The following MAN2A1 variants were observed in gnomAD, a reference collection of about 807,000 sequenced individuals.
MAN2A1 encodes the protein mannosidase alpha class 2A member 1, also known as alpha-mannosidase 2.
In MAN2A1, 76 loss-of-function variants were observed where a neutral mutation model predicts 142.6. That is an observed-to-expected ratio of 0.53 (90% confidence interval 0.44 to 0.65). The LOEUF is 0.65. MAN2A1 is among the 30% of genes least tolerant of loss of function. The pLI is 0.00. For missense variants in MAN2A1, 1,311 were observed against 1,365.1 expected, an observed-to-expected ratio of 0.96 and a Z score of 0.62; for synonymous variants, 559 against 473.2, an observed-to-expected ratio of 1.18 and a Z score of -2.35.
intron 16 of MAN2A1, among the ~76,000 whole-genome samples, chr5:109,831,103 G>A (rs937364514): frequency 8.5e-5 from 13 of 152,208 alleles, no homozygotes; most frequent in South Asian, 6.2e-4. Context: ...CCCATCCTAG[G>A]TCTGCCACTT....
At chr5:109,748,628 G>A (rs1330448503) in intron 4 of MAN2A1, among the ~76,000 whole-genome samples, 1 of 152,068 alleles carries the variant, frequency 6.6e-6, no homozygotes, top group Non-Finnish European at 1.5e-5. Flanking sequence ...GGCTGGATTT[G>A]GGTGGAATGT....
At chr5:109,767,484 T>G (rs746464404) in intron 5 of MAN2A1, 51 bp from the exon 6 acceptor site, 14 of 1,490,044 alleles carry the variant, frequency 9.4e-6, no homozygotes, top group Non-Finnish European at 1.2e-5. Flanking sequence ...TGACTTCTTT[T>G]TATTTCATAT....
intron 4 of MAN2A1, among the ~76,000 whole-genome samples, chr5:109,742,251 C>G (rs1683617071): frequency 6.6e-6 from 1 of 152,180 alleles, no homozygotes. Flanking sequence ...AACCTAAGAA[C>G]AGTTTATATA....
At chr5:109,832,724 G>A (rs191464523) in intron 16 of MAN2A1, among the ~76,000 whole-genome samples, 2,824 of 150,600 alleles carry the variant, frequency 0.019, 34 homozygotes, top group Middle Eastern at 0.073. Flanking sequence ...GGGCAGAGGG[G>A]CCCCCCCACT....
chr5:109,750,064 T>G (rs1359704809), intron 4 of MAN2A1, among the ~76,000 whole-genome samples: 1 of 152,084 alleles, frequency 6.6e-6, no homozygotes, highest in Non-Finnish European at 1.5e-5. Flanking sequence ...TTTCCAGACA[T>G]ATTGTTTCTG....
intron 4 of MAN2A1, among the ~76,000 whole-genome samples, chr5:109,751,135 G>A (rs1159181672): frequency 6.6e-6 from 1 of 151,384 alleles, no homozygotes; most frequent in Non-Finnish European, 1.5e-5. Context: ...CTTCCCAATC[G>A]CTACCCTAAG....
At chr5:109,770,672 G>C (rs773409949) in intron 7 of MAN2A1, 131 bp downstream of exon 7, 11 of 799,642 alleles carry the variant, frequency 1.4e-5, no homozygotes, top group Non-Finnish European at 2.1e-5. Flanking sequence ...ATTCAAACCA[G>C]ATCTAAAGCA....
intron 16 of MAN2A1, among the ~76,000 whole-genome samples, chr5:109,826,569 G>A (rs1047032603): frequency 1.3e-5 from 2 of 152,140 alleles, no homozygotes; most frequent in Non-Finnish European, 2.9e-5. Context: ...AGATAAGCCC[G>A]GTTGTGGAGA....
At chr5:109,769,698 GTT>G in intron 6 of MAN2A1, among the ~76,000 whole-genome samples, 1 of 152,042 alleles carries the variant, frequency 6.6e-6, no homozygotes, top group Non-Finnish European at 1.5e-5. Context: ...TTTTATTTTT[GTT>G]TCGCTTTTTG....
chr5:109,815,383 G>C (rs1205432658), intron 12 of MAN2A1, among the ~76,000 whole-genome samples: 1 of 152,156 alleles, frequency 6.6e-6, no homozygotes, highest in Non-Finnish European at 1.5e-5. Context: ...TAAGTACTAG[G>C]AGGATTCGTT....
chr5:109,819,322 A>G (rs1053548655), intron 13 of MAN2A1, among the ~76,000 whole-genome samples: 12 of 152,328 alleles, frequency 7.9e-5, no homozygotes, highest in East Asian at 1.9e-4. Context: ...ACATAACCCA[A>G]TCATGAGTTG....
intron 16 of MAN2A1, among the ~76,000 whole-genome samples, chr5:109,830,208 G>A (rs930288250): frequency 2.0e-5 from 3 of 152,064 alleles, no homozygotes; most frequent in African/African-American, 7.2e-5. Context: ...TGAAACTTTT[G>A]AAGACCCCTC....
intron 9 of MAN2A1, among the ~76,000 whole-genome samples, chr5:109,782,089 C>T (rs570404973): frequency 5.3e-5 from 8 of 152,294 alleles, no homozygotes; most frequent in African/African-American, 1.9e-4. Flanking sequence ...GGCTTCATCT[C>T]AGTTCTTACA....
At chr5:109,736,734 C>A (rs930390269) in intron 4 of MAN2A1, among the ~76,000 whole-genome samples, 1 of 151,808 alleles carries the variant, frequency 6.6e-6, no homozygotes, top group Non-Finnish European at 1.5e-5. Context: ...GGTTTTTGCC[C>A]ACCTTACCCT....
intron 4 of MAN2A1, among the ~76,000 whole-genome samples, chr5:109,744,197 C>T (rs1374845450): frequency 2.0e-5 from 3 of 152,032 alleles, no homozygotes; most frequent in Non-Finnish European, 4.4e-5. Flanking sequence ...CAAGACTGAC[C>T]TGGTCCCAGC....
At chr5:109,793,905 G>C (rs1753797051) in intron 12 of MAN2A1, among the ~76,000 whole-genome samples, 1 of 152,030 alleles carries the variant, frequency 6.6e-6, no homozygotes, top group Non-Finnish European at 1.5e-5. Flanking sequence ...TTTTAATATT[G>C]TTATTGTAAA....
intron 20 of MAN2A1, among the ~76,000 whole-genome samples, chr5:109,856,745 T>C (rs1007430000): frequency 1.3e-5 from 2 of 152,284 alleles, no homozygotes; most frequent in Admixed American, 6.5e-5. Context: ...ATATGACTTA[T>C]AATAATGACT....
At chr5:109,764,335 A>C (rs1407924841) in intron 5 of MAN2A1, among the ~76,000 whole-genome samples, 1 of 152,126 alleles carries the variant, frequency 6.6e-6, no homozygotes, top group Non-Finnish European at 1.5e-5. Context: ...TATTTTGAAC[A>C]GTTTTTACTT....
intron 15 of MAN2A1, among the ~76,000 whole-genome samples, chr5:109,822,924 A>G (rs899023751): frequency 1.3e-5 from 2 of 152,046 alleles, no homozygotes; most frequent in Non-Finnish European, 2.9e-5. Context: ...TGATCCGCCC[A>G]CCTCGGCCTC....
Sources: allele counts gnomAD v4.1 joint callset (sites outside exome capture counted in the v4.1 genomes callset), GRCh38; gene constraint gnomAD v4.1.1; transcripts MANE v1.5; gene names NCBI Gene and HGNC (gene_info 2026-07-23, HGNC 2026-07-21).